Variants in NRP1 observed in about 807,000 individuals in gnomAD.
The protein encoded by NRP1 is neuropilin-1.
Under a neutral mutation model 106.7 loss-of-function variants are expected in NRP1, and 35 were observed. The observed-to-expected ratio is 0.33, with a 90% confidence interval of 0.25 to 0.43. NRP1 has a LOEUF of 0.43. Among genes scored for constraint, NRP1 ranks in the 20% least tolerant of loss-of-function variants. NRP1 has a pLI of 1.00. For missense variants in NRP1, 1,024 were observed against 1,170.4 expected, an observed-to-expected ratio of 0.87 and a Z score of 1.83; for synonymous variants, 437 against 417.9, an observed-to-expected ratio of 1.05 and a Z score of -0.56.
intron 11 of NRP1, among the ~76,000 whole-genome samples, chr10:33,199,367 CTATATATATATATA>C (rs1413431395): frequency 1.8e-5 from 1 of 54,276 alleles, no homozygotes; most frequent in Non-Finnish European, 3.2e-5. Flanking sequence ...TGGCTGTTTT[CTATATATATATATA>C]TATATATATT....
intron 2 of NRP1, among the ~76,000 whole-genome samples, chr10:33,308,579 C>T (rs1421662554): frequency 5.9e-5 from 9 of 151,988 alleles, no homozygotes; most frequent in South Asian, 2.1e-4. Flanking sequence ...CTCTGCCTCC[C>T]GGGTTCAAGT....
At chr10:33,243,803 G>T (rs1841205010) in intron 6 of NRP1, among the ~76,000 whole-genome samples, 4 of 151,946 alleles carry the variant, frequency 2.6e-5, no homozygotes. Flanking sequence ...TATTACTATT[G>T]GGATTTATAG....
At chr10:33,295,446 G>A (rs554145488) in intron 2 of NRP1, among the ~76,000 whole-genome samples, 4 of 152,278 alleles carry the variant, frequency 2.6e-5, no homozygotes, top group Non-Finnish European at 4.4e-5. Flanking sequence ...AGTGGCTCAC[G>A]CCTGTAATCT....
In NRP1 at chr10:33,270,783, C is replaced by T. The variant is rs777048356; in HGVS notation, c.322G>A (p.Ala108Thr). 2 of 1,613,796 alleles carry T rather than the reference C, an allele frequency of 1.2e-6. No individual in the cohort carries two copies. The highest frequency in any genetic ancestry group is 1.7e-4 in the Middle Eastern group (1 of 6,060). Reference protein sequence around the residue: ...HFRGKFCGKIAPPPVVSSGPF... With the variant: ...HFRGKFCGKITPPPVVSSGPF... ...CCTGAAGACACAACAGGAGGAGGGG[C>T]TATCTTTCCACAGAACTTTCCCCTA... The change falls in exon 3 of 17, where the codon GCC becomes ACC. Residue 108 changes from alanine (A) to threonine (T), a missense_variant. Coordinates refer to ENST00000374867, the MANE Select transcript of NRP1 (RefSeq NM_003873.7).
intron 2 of NRP1, among the ~76,000 whole-genome samples, chr10:33,306,206 T>C (rs1846149268): frequency 6.6e-6 from 1 of 152,242 alleles, no homozygotes; most frequent in Admixed American, 6.5e-5. Context: ...GCAAAAACAC[T>C]TCTGTTCATG....
At chr10:33,304,128 A>G (rs745635207) in intron 2 of NRP1, among the ~76,000 whole-genome samples, 9 of 152,222 alleles carry the variant, frequency 5.9e-5, no homozygotes, top group Non-Finnish European at 1.0e-4. Context: ...GTTAACACAC[A>G]CACCCAGGCC....
chr10:33,280,748 G>A (rs555177702), intron 2 of NRP1, among the ~76,000 whole-genome samples: 105 of 152,036 alleles, frequency 6.9e-4, no homozygotes, highest in African/African-American at 2.4e-3. Flanking sequence ...TTGGGATGTC[G>A]AGGTGGGCAG....
intron 6 of NRP1, among the ~76,000 whole-genome samples, chr10:33,230,861 T>C (rs1448907658): frequency 6.6e-6 from 1 of 152,196 alleles, no homozygotes; most frequent in Admixed American, 6.5e-5. Flanking sequence ...TTTTGTCAGT[T>C]TAATTTGCAG....
chr10:33,251,899 G>A (rs1360946489), intron 6 of NRP1, among the ~76,000 whole-genome samples: 1 of 152,098 alleles, frequency 6.6e-6, no homozygotes, highest in Non-Finnish European at 1.5e-5. Flanking sequence ...ACAGAAGGGG[G>A]AAGGGAAGTG....
At chr10:33,203,671 C>T (rs1029072412) in intron 10 of NRP1, among the ~76,000 whole-genome samples, 1 of 151,128 alleles carries the variant, frequency 6.6e-6, no homozygotes, top group Non-Finnish European at 1.5e-5. Flanking sequence ...ACAGGTATTC[C>T]CATATCTTTG....
At chr10:33,252,297 A>G (rs1841924073) in intron 6 of NRP1, among the ~76,000 whole-genome samples, 1 of 152,126 alleles carries the variant, frequency 6.6e-6, no homozygotes, top group Admixed American at 6.5e-5. Context: ...TGTGATCCGA[A>G]TCTTCCCGTA....
At chr10:33,198,144 A>AT (rs71521487) in intron 11 of NRP1, among the ~76,000 whole-genome samples, 35,203 of 93,876 alleles carry the variant, frequency 0.37, 6,545 homozygotes, top group African/African-American at 0.58. Flanking sequence ...AAATTTTTAA[A>AT]TTTTTTTTTT....
chr10:33,318,793 T>G (rs530136273), intron 2 of NRP1, among the ~76,000 whole-genome samples: 1 of 144,548 alleles, frequency 6.9e-6, no homozygotes, highest in Non-Finnish European at 1.5e-5. Context: ...CGATAACTTT[T>G]GCGCCAACCT....
At position 33,289,466 on chromosome 10, in the gene NRP1, C is replaced by T. The variant is rs372102957; in HGVS notation, c.249-18610G>A. Among the ~76,000 whole-genome samples, 19 of 152,268 alleles carry T rather than the reference C, an allele frequency of 1.2e-4. No individual in the cohort carries two copies. The South Asian group carries it at 3.3e-3, about 27-fold the overall frequency. ...GGAGTGATAACTCTAATGAGGTCCACGTCATCATGACTCCTGTTTAGAGAA... is the reference window on the plus strand; with the variant it reads ...GGAGTGATAACTCTAATGAGGTCCATGTCATCATGACTCCTGTTTAGAGAA... On this transcript the variant is annotated intron_variant, in intron 2 of 16. Coordinates refer to ENST00000374867, the MANE Select transcript of NRP1 (RefSeq NM_003873.7).
chr10:33,274,526 G>A (rs894395719), intron 2 of NRP1, among the ~76,000 whole-genome samples: 11 of 152,128 alleles, frequency 7.2e-5, no homozygotes, highest in Admixed American at 3.3e-4. Flanking sequence ...ACTGAATAGC[G>A]GTTTCTGAGG....
intron 6 of NRP1, among the ~76,000 whole-genome samples, chr10:33,252,740 C>A (rs1473025200): frequency 6.6e-6 from 1 of 151,998 alleles, no homozygotes; most frequent in Non-Finnish European, 1.5e-5. Context: ...TTGACACTGG[C>A]AAACTCATTT....
At chr10:33,305,192 C>T (rs1254506847) in intron 2 of NRP1, among the ~76,000 whole-genome samples, 2 of 152,192 alleles carry the variant, frequency 1.3e-5, no homozygotes, top group Admixed American at 6.5e-5. Context: ...CTGGATGGCA[C>T]TTTACAAACA....
chr10:33,316,088 C>T (rs1245270771), intron 2 of NRP1, among the ~76,000 whole-genome samples: 1 of 152,040 alleles, frequency 6.6e-6, no homozygotes, highest in Non-Finnish European at 1.5e-5. Flanking sequence ...AAGCACAGAC[C>T]GAGGCAGGGA....
intron 2 of NRP1, among the ~76,000 whole-genome samples, chr10:33,300,571 G>T (rs1845732139): frequency 6.6e-6 from 1 of 152,112 alleles, no homozygotes; most frequent in Non-Finnish European, 1.5e-5. Context: ...AATAAATCTT[G>T]GGGCGCCCAA....
Sources: gnomAD v4.1 joint callset for allele counts (sites outside exome capture counted in the v4.1 genomes callset) on GRCh38, gnomAD v4.1.1 for gene constraint, MANE v1.5 for transcripts, NCBI Gene and HGNC (gene_info 2026-07-23, HGNC 2026-07-21) for gene names.